The following SCARF1 variants were observed in gnomAD, a reference collection of about 807,000 sequenced individuals.
SCARF1 encodes the protein scavenger receptor class F member 1.
SCARF1 carries 49 observed loss-of-function variants against 76.3 expected under a neutral mutation model. The observed-to-expected ratio is 0.64, with a 90% CI of 0.51 to 0.81. SCARF1 has a LOEUF of 0.81. SCARF1 is among the 40% of genes least tolerant of loss of function. The pLI, the probability that SCARF1 is intolerant of heterozygous loss-of-function variation, is 0.00. For missense variants in SCARF1, 1,098 were observed against 1,143.9 expected, an observed-to-expected ratio of 0.96 and a Z score of 0.58; for synonymous variants, 495 against 474.6, an observed-to-expected ratio of 1.04 and a Z score of -0.56.
chr17:1,645,034 C>A lies in SCARF1; in HGVS notation c.164-99G>T. On this transcript the variant is annotated intron_variant, in intron 2 of 10. Transcript: ENST00000263071. The surrounding 1 kb of genome is among the most constrained non-coding windows in gnomAD (Gnocchi z 6.3). ...AGGGGCCATGCCTCCTCAAGAGGTG[C>A]CCCTTCAGGCCTGGGGGTGCGTCAC... 1 of 1,520,642 alleles carries A rather than the reference C, an allele frequency of 6.6e-7. No individual in the cohort carries two copies. The highest frequency in any genetic ancestry group is 9.0e-7 in the Non-Finnish European group (1 of 1,110,834). The allele number at this position is 1,520,642 out of a possible 1,614,324, so 94.2% of individuals were successfully genotyped here. A position where few individuals can be genotyped will look rare whatever the true frequency, so the allele number is the denominator to read the frequency against.
Position 1,640,669 on chromosome 17 carries a change from G to A in SCARF1, c.792-3C>T. 8 of 1,610,000 alleles carry A rather than the reference G, an allele frequency of 5.0e-6. No homozygotes were observed. The highest frequency in any genetic ancestry group is 6.8e-6 in the Non-Finnish European group (8 of 1,178,252). On this transcript the variant is annotated splice_region_variant and splice_polypyrimidine_tract_variant and intron_variant, in intron 4 of 10. Transcript: ENST00000263071. The surrounding 1 kb of genome is among the most constrained non-coding windows in gnomAD (Gnocchi z 4.7). ...CATTGTGTTTGCAGCGGCCACAGCT[G>A]GGAAGAGAAGGGCTTCGTGGGAACA...
Position 1,644,507 on chromosome 17 carries a change from C to T in SCARF1, c.265+327G>A. On this transcript the variant is annotated intron_variant, in intron 3 of 10. Transcript: ENST00000263071. The surrounding 1 kb of genome is among the most constrained non-coding windows in gnomAD (Gnocchi z 4.8). ...GCCCAGCCAGGGGCCCCCTTCCATCCACTGCCCATGTATAAGGTATATGTG... is the reference window on the plus strand; with the variant it reads ...GCCCAGCCAGGGGCCCCCTTCCATCTACTGCCCATGTATAAGGTATATGTG... 1 of 405,790 alleles carries T rather than the reference C, an allele frequency of 2.5e-6. No homozygotes were observed. The highest frequency in any genetic ancestry group is 4.1e-5 in the South Asian group (1 of 24,232). 25.1% of individuals were successfully genotyped at this position (405,790 alleles called of 1,614,324 possible). A position where few individuals can be genotyped will look rare whatever the true frequency, so the allele number is the denominator to read the frequency against.
At position 1,635,077 on chromosome 17, in the gene SCARF1, T is replaced by C. The variant is rs1370262465; in HGVS notation, c.2174A>G (p.Lys725Arg). The C allele has an allele frequency of 1.9e-6, 3 of 1,613,898 alleles. No individual in the cohort carries two copies. The highest frequency in any genetic ancestry group is 2.5e-6 in the Non-Finnish European group (3 of 1,179,990). Residue 725 changes from lysine (K) to arginine (R), a missense_variant, in exon 11 of 11, where the codon AAG becomes AGG. Lys to Arg is a conservative substitution (Grantham distance 26). Coordinates refer to ENST00000263071, the MANE Select transcript of SCARF1 (RefSeq NM_003693.4). ...FQKGQAEAKV[K>R]RAIPKPPRQA... ...GCGCGGAGGCTTAGGGATGGCCCTC[T>C]TGACCTTGGCTTCCGCCTGGCCTTT...
In SCARF1 at chr17:1,639,921, C is replaced by G; in HGVS notation, c.1130G>C (p.Trp377Ser). 1 of 1,613,494 alleles carries G rather than the reference C, an allele frequency of 6.2e-7. No individual in the cohort carries two copies. Among genetic ancestry groups the G allele is most frequent in the Non-Finnish European group, 8.5e-7 (1 of 1,179,722 alleles). Residue 377 changes from tryptophan (W) to serine (S), a missense_variant, in exon 6 of 11, where the codon TGG (tryptophan) becomes TCG (serine). Trp to Ser is a radical substitution (Grantham distance 177). Transcript: ENST00000263071. ...TGDCVCSAGY[W>S]GPSCNASCPA... Reference sequence around the variant, plus strand: ...GGATCCCCATCCTTACCTGGGCCCCCAGTAGCCGGCACTGCAGACACAGTC... The same window carrying G: ...GGATCCCCATCCTTACCTGGGCCCCGAGTAGCCGGCACTGCAGACACAGTC...
intron 4 of SCARF1, among the ~76,000 whole-genome samples, chr17:1,642,961 CA>C (rs1196442097): frequency 6.6e-6 from 1 of 152,196 alleles, no homozygotes; most frequent in Non-Finnish European, 1.5e-5. Flanking sequence ...CTCAGCCTCC[CA>C]AAGTGCTGGG....
In SCARF1 at chr17:1,640,127, G is replaced by A. The variant is rs1909916221; in HGVS notation, c.1011-87C>T. 1 of 1,488,548 alleles carries A rather than the reference G, an allele frequency of 6.7e-7. No individual in the cohort carries two copies. The highest frequency in any genetic ancestry group is 9.1e-7 in the Non-Finnish European group (1 of 1,100,710). 92.2% of individuals were successfully genotyped at this position (1,488,548 alleles called of 1,614,324 possible). ...CCCCACCCCTCCGCCCCACGCTCCT[G>A]GACTCAAGGACCCAACTGGCCACTC... On this transcript the variant is annotated intron_variant, in intron 5 of 10. Transcript: ENST00000263071. This position sits in a 1 kb window ranked among gnomAD's most constrained non-coding sequence, Gnocchi z 4.7.
rs564168545 is a variant in SCARF1, at chr17:1,644,916, G to T, written c.183C>A (p.Asp61Glu). ...ECTIPICEGPDACQKDEVCVK... is the reference protein window; with the variant it reads ...ECTIPICEGPEACQKDEVCVK... ...CACACACCTCGTCTTTCTGGCAGGC[G>T]TCCGGCCCCTCACAGATGGCTGAAA... The change falls in exon 3 of 11, where the codon GAC becomes GAA. Residue 61 changes from aspartate (D) to glutamate (E), a missense_variant. Transcript: ENST00000263071. This position sits in a 1 kb window ranked among gnomAD's most constrained non-coding sequence, Gnocchi z 4.8. 1 of 1,613,266 alleles carries T rather than the reference G, an allele frequency of 6.2e-7. No individual in the cohort carries two copies.
At chr17:1,639,040 C>T in intron 7 of SCARF1, 114 bp from the exon 8 acceptor site, 1 of 1,135,022 alleles carries the variant, frequency 8.8e-7, no homozygotes, top group Non-Finnish European at 1.2e-6. Context: ...CTCCCTGCCT[C>T]CGGGCAGCCC....
chr17:1,640,317 T>C lies in SCARF1; in HGVS notation c.1010+131A>G. On this transcript the variant is annotated intron_variant, in intron 5 of 10. Transcript: ENST00000263071. This position sits in a 1 kb window ranked among gnomAD's most constrained non-coding sequence, Gnocchi z 4.7. ...CAGAACCCACTGCTCTCCCCCAGTC[T>C]TCAACAGGAGGGAGGCCCCTGGGGC... is the stretch of plus-strand genomic sequence containing the variant. The C allele has an allele frequency of 4.3e-6, 4 of 931,530 alleles. No individual in the cohort carries two copies. The highest frequency in any genetic ancestry group is 6.4e-6 in the Non-Finnish European group (4 of 623,620). The allele number at this position is 931,530 out of a possible 1,614,324, so 57.7% of individuals were successfully genotyped here. A position where few individuals can be genotyped will look rare whatever the true frequency, so the allele number is the denominator to read the frequency against.
In SCARF1 at chr17:1,637,013, C is replaced by T; in HGVS notation, c.1414G>A (p.Gly472Arg). The stretch of plus-strand genomic sequence containing the variant: ...GTGGAGCCCAAGCTGGTCAGTGTCC[C>T]CCAGACCTGCAGCTTCATCCTGGAC... Reference protein sequence around the residue: ...TVSRMKLQVWGTLTSLGSTLP... With the variant: ...TVSRMKLQVWRTLTSLGSTLP... Residue 472 changes from glycine (G) to arginine (R), a missense_variant, in exon 9 of 11, where the codon GGG (glycine) becomes AGG (arginine). Coordinates refer to ENST00000263071, the MANE Select transcript of SCARF1 (RefSeq NM_003693.4). 6.2e-7 allele frequency: 1 copy of T among 1,614,006 alleles called. No individual in the cohort carries two copies. The highest frequency in any genetic ancestry group is 1.1e-5 in the South Asian group (1 of 91,076).
intron 7 of SCARF1, 119 bp from the exon 8 acceptor site, chr17:1,639,045 C>A (rs1909826332): frequency 1.6e-5 from 18 of 1,102,374 alleles, no homozygotes; most frequent in South Asian, 7.8e-5. Flanking sequence ...TGCCTCCGGG[C>A]AGCCCCTCTG....
chr17:1,636,182 C>T (rs1035324102), intron 10 of SCARF1, among the ~76,000 whole-genome samples: 1 of 152,172 alleles, frequency 6.6e-6, no homozygotes, highest in South Asian at 2.1e-4. Flanking sequence ...CAAATGAGTC[C>T]CTACTTGTAT....
chr17:1,639,063 G>A lies in SCARF1; in HGVS notation c.1244-137C>T, dbSNP rs528806082. The A allele has an allele frequency of 7.9e-6, 7 of 886,236 alleles. No individual in the cohort carries two copies. In the Admixed American group the frequency reaches 1.0e-4, roughly 13 times the overall value. 54.9% of individuals were successfully genotyped at this position (886,236 alleles called of 1,614,324 possible). A position where few individuals can be genotyped will look rare whatever the true frequency, so the allele number is the denominator to read the frequency against. Reference sequence around the variant, plus strand: ...CTCCGGGCAGCCCCTCTGCTGGCGTGTCCCCTCCACAGGTTCTTGCCCCTG... The same window carrying A: ...CTCCGGGCAGCCCCTCTGCTGGCGTATCCCCTCCACAGGTTCTTGCCCCTG... On this transcript the variant is annotated intron_variant, in intron 7 of 10. Coordinates refer to ENST00000263071, the MANE Select transcript of SCARF1 (RefSeq NM_003693.4).
At position 1,634,392 on chromosome 17, in the gene SCARF1, A is replaced by C. The variant is rs1167370568; in HGVS notation, c.*366T>G. ...GGACAGAGGGAGATTCTGTCTCAAA[A>C]AAAAAAAAAAAAATTTGTTTAGCCA... On this transcript the variant is annotated 3_prime_UTR_variant, in exon 11 of 11. Coordinates refer to ENST00000263071, the MANE Select transcript of SCARF1 (RefSeq NM_003693.4). 1,001 of 377,836 alleles carry C rather than the reference A, an allele frequency of 2.6e-3. 10 individuals carry two copies. Among genetic ancestry groups the C allele is most frequent in the African/African-American group, 0.019 (927 of 48,268 alleles). The allele number at this position is 377,836 out of a possible 1,614,324, so 23.4% of individuals were successfully genotyped here.
rs1910424309 is a variant in SCARF1, at chr17:1,645,105, G to C, written c.163+73C>G. ...GTATCAGGAGGGGCAGGCCCCATGG[G>C]GTAGGAAGGAAGGGTTGTCACTGGG... is the stretch of plus-strand genomic sequence containing the variant. On this transcript the variant is annotated intron_variant, in intron 2 of 10. Transcript: ENST00000263071. This position sits in a 1 kb window ranked among gnomAD's most constrained non-coding sequence, Gnocchi z 6.3. 9 of 1,594,468 alleles carry C rather than the reference G, an allele frequency of 5.6e-6. No homozygotes were observed. The highest frequency in any genetic ancestry group is 7.7e-6 in the Non-Finnish European group (9 of 1,164,746).
At position 1,635,594 on chromosome 17, in the gene SCARF1, C is replaced by A. The variant is rs1342855603; in HGVS notation, c.1657G>T (p.Gly553Trp). The change falls in exon 11 of 11, where the codon GGG becomes TGG. Residue 553 changes from glycine (G) to tryptophan (W), a missense_variant. Gly to Trp is a radical substitution (Grantham distance 184). Coordinates refer to ENST00000263071, the MANE Select transcript of SCARF1 (RefSeq NM_003693.4). ...GCAGCCAGGCTGGCCTCTGACGACC[C>A]TGCCTGGGCCACAGGGACCATCCCT... ...QEGMVPVAQA[G>W]SSEASLAAGA... The A allele has an allele frequency of 6.2e-7, 1 of 1,603,528 alleles. No individual in the cohort carries two copies. Among genetic ancestry groups the A allele is most frequent in the East Asian group, 2.2e-5 (1 of 44,872 alleles).
rs985917524 is a variant in SCARF1, at chr17:1,640,133, A to G, written c.1011-93T>C. The G allele has an allele frequency of 7.5e-6, 11 of 1,474,902 alleles. No individual in the cohort carries two copies. In the African/African-American group the frequency reaches 1.1e-4, roughly 15 times the overall value. 91.4% of individuals were successfully genotyped at this position (1,474,902 alleles called of 1,614,324 possible). A position where few individuals can be genotyped will look rare whatever the true frequency, so the allele number is the denominator to read the frequency against. On this transcript the variant is annotated intron_variant, in intron 5 of 10. Transcript: ENST00000263071. The surrounding 1 kb of genome is among the most constrained non-coding windows in gnomAD (Gnocchi z 4.7). ...CCCTCCGCCCCACGCTCCTGGACTC[A>G]AGGACCCAACTGGCCACTCCTCAGC...
intron 8 of SCARF1, chr17:1,638,590 C>T (rs1909769344): frequency 2.3e-6 from 1 of 426,584 alleles, no homozygotes; most frequent in Non-Finnish European, 4.0e-6. Flanking sequence ...CAACTACCTC[C>T]ATCACCTCTG....
At chr17:1,641,269 G>A (rs1460551190) in intron 4 of SCARF1, among the ~76,000 whole-genome samples, 1 of 152,124 alleles carries the variant, frequency 6.6e-6, no homozygotes, top group Non-Finnish European at 1.5e-5. Flanking sequence ...TCATAGGAGC[G>A]CCAGTCCTAT....
Sources: allele counts gnomAD v4.1 joint callset (sites outside exome capture counted in the v4.1 genomes callset), GRCh38; gene constraint gnomAD v4.1.1; non-coding constraint Gnocchi (gnomAD v3.1); transcripts MANE v1.5; gene names NCBI Gene and HGNC (gene_info 2026-07-23, HGNC 2026-07-21).